ZNF273: variants seen among roughly 807,000 people sequenced by gnomAD.
ZNF273 encodes the protein zinc finger protein 273.
A neutral mutation model predicts 14.9 loss-of-function variants in ZNF273; 11 were observed. The ratio of observed to expected loss-of-function variants is 0.74; its 90% CI spans 0.46 to 1.22. The LOEUF is 1.22. ZNF273 is among the 50% of genes most tolerant of loss of function. The pLI, the probability that ZNF273 is intolerant of heterozygous loss-of-function variation, is 0.00. For synonymous variants in ZNF273, 199 were observed against 223.9 expected, an observed-to-expected ratio of 0.89 and a Z score of 0.99; for missense variants, 577 against 660.6, an observed-to-expected ratio of 0.87 and a Z score of 1.39.
chr7:64,931,905 A>T (rs1794998626), downstream of ZNF273, among the ~76,000 whole-genome samples: 1 of 152,170 alleles, frequency 6.6e-6, no homozygotes, highest in Non-Finnish European at 1.5e-5. Flanking sequence ...AATTCTGCCG[A>T]ATTTAAAGAG....
intron 1 of ZNF273, chr7:64,917,052 C>T (rs943187833): frequency 7.8e-7 from 1 of 1,283,484 alleles, no homozygotes; most frequent in Non-Finnish European, 1.0e-6. Flanking sequence ...GGGAAAATCA[C>T]AGGCTCTTCC....
Position 64,928,670 on chromosome 7 carries a change from CATAAG to C in ZNF273, c.1347_1351del (p.Lys449AsnfsTer11). 1 of 1,612,804 alleles carries C rather than the reference CATAAG, an allele frequency of 6.2e-7. No homozygotes were observed. Among genetic ancestry groups the C allele is most frequent in the African/African-American group, 1.3e-5 (1 of 74,998 alleles). On this transcript the variant is annotated frameshift_variant, in exon 4 of 4. Coordinates refer to ENST00000476120, the MANE Select transcript of ZNF273 (RefSeq NM_021148.3). LOFTEE classifies it low-confidence loss of function (END_TRUNC). ...TAGTGTATTCTCAACCCTTACTAAA[CATAAG>C]ATAATTCATACTGGAGCAAAACCTT...
chr7:64,887,736 G>A (rs1272694081), intron 1 of ZNF273, among the ~76,000 whole-genome samples: 1 of 151,872 alleles, frequency 6.6e-6, no homozygotes, highest in Non-Finnish European at 1.5e-5. Context: ...CTGACCTCAT[G>A]ATCTGCCCGC....
At chr7:64,897,625 C>G (rs1256230200) in exon 4 of ZNF273, 2 of 150,672 alleles carry the variant, frequency 1.3e-5, no homozygotes, top group Non-Finnish European at 2.9e-5. Flanking sequence ...CGTGCCCAGC[C>G]AAAAAGCTGA....
intron 1 of ZNF273, among the ~76,000 whole-genome samples, chr7:64,909,187 G>C (rs568913701): frequency 8.2e-4 from 124 of 151,658 alleles, no homozygotes; most frequent in African/African-American, 2.9e-3. Context: ...AATGTGCTGC[G>C]ATTACAGGCG....
At chr7:64,897,047 CA>C (rs1325800282) in intron 3 of ZNF273, among the ~76,000 whole-genome samples, 1 of 152,158 alleles carries the variant, frequency 6.6e-6, no homozygotes, top group African/African-American at 2.4e-5. Flanking sequence ...TAAGTCAGCA[CA>C]AAAACTATAG....
At chr7:64,934,156 T>A (rs11771842), downstream of ZNF273, among the ~76,000 whole-genome samples, 86,522 of 151,962 alleles carry the variant, frequency 0.57, 24,890 homozygotes, top group East Asian at 0.7. Flanking sequence ...TGGTCTCCCA[T>A]AGTGCTGGAA....
downstream of ZNF273, chr7:64,889,730 C>G (rs1388308466): frequency 7.1e-6 from 7 of 985,774 alleles, no homozygotes; most frequent in Admixed American, 1.8e-4. The surrounding 1 kb of genome is among the most constrained non-coding windows in gnomAD (Gnocchi z 4.2). Context: ...AGCTGGACAC[C>G]GAGCACCATC....
intron 1 of ZNF273, among the ~76,000 whole-genome samples, chr7:64,915,891 CTAAAAA>C (rs1349580350): frequency 6.6e-6 from 1 of 152,094 alleles, no homozygotes; most frequent in African/African-American, 2.4e-5. Context: ...CCAAAAAGTT[CTAAAAA>C]ATAATTACTC....
upstream of ZNF273, among the ~76,000 whole-genome samples, chr7:64,900,676 G>A (rs1275306394): frequency 2.0e-5 from 3 of 152,062 alleles, no homozygotes; most frequent in African/African-American, 4.8e-5. Flanking sequence ...GGGTGGGGGC[G>A]GCCAGATTTT....
In ZNF273 at chr7:64,927,903, A is replaced by G. The variant is rs1794841148; in HGVS notation, c.575A>G (p.Asn192Ser). ...GTTAAAGTCCTTCATAAATTCTCAA[A>G]TTCAAATATACATAAGAAAAGACAA... ...KYVKVLHKFS[N>S]SNIHKKRQTG... The change falls in exon 4 of 4, where the codon AAT becomes AGT. Residue 192 changes from asparagine to serine, a missense_variant. Physicochemically the swap from Asn to Ser is conservative, Grantham distance 46. Around this residue, in one of 3 missense-constraint regions of ZNF273, gnomAD observed 411 missense variants for 440.4 expected, o/e 0.93. Transcript: ENST00000476120. The G allele has an allele frequency of 6.2e-7, 1 of 1,613,536 alleles. No homozygotes were observed. Among genetic ancestry groups the G allele is most frequent in the Non-Finnish European group, 8.5e-7 (1 of 1,179,810 alleles).
chr7:64,922,958 T>A (rs1183553273), intron 3 of ZNF273, among the ~76,000 whole-genome samples: 2 of 151,918 alleles, frequency 1.3e-5, no homozygotes, highest in African/African-American at 4.8e-5. Flanking sequence ...AGAGCAAGAC[T>A]CTGTCTCAAA....
chr7:64,891,958 T>C (rs1215062742), downstream of ZNF273, among the ~76,000 whole-genome samples: 3 of 152,226 alleles, frequency 2.0e-5, no homozygotes, highest in Non-Finnish European at 4.4e-5. Flanking sequence ...GGAAGCTCCA[T>C]GTTGCACTTT....
chr7:64,885,877 T>G (rs4718157), intron 1 of ZNF273, among the ~76,000 whole-genome samples: 150,206 of 152,312 alleles, frequency 0.99, 74,101 homozygotes, highest in South Asian at 1. Flanking sequence ...ATCTTGATGC[T>G]CTTTTCTTCC....
chr7:64,885,479 C>G (rs1376472847), intron 1 of ZNF273, among the ~76,000 whole-genome samples: 2 of 152,228 alleles, frequency 1.3e-5, no homozygotes, highest in Non-Finnish European at 2.9e-5. Context: ...GTGGGAAAGT[C>G]CTCACGTTGG....
rs752202625 is a variant in ZNF273 at position 64,929,061 on chromosome 7, C to T, written c.*23C>T. On this transcript the variant is annotated 3_prime_UTR_variant, in exon 4 of 4. Coordinates refer to ENST00000476120, the MANE Select transcript of ZNF273 (RefSeq NM_021148.3). ...TAGAAATGTGAAGAATGTGACAAAG[C>T]CTTTAAGCGGTTGTCACACTTGATT... The T allele has an allele frequency of 4.1e-6, 6 of 1,467,702 alleles. No homozygotes were observed. In the African/African-American group the frequency reaches 4.9e-5, roughly 12 times the overall value. The allele number at this position is 1,467,702 out of a possible 1,614,324, so 90.9% of individuals were successfully genotyped here. A position where few individuals can be genotyped will look rare whatever the true frequency, so the allele number is the denominator to read the frequency against.
At chr7:64,880,830 C>G (rs1333746018), downstream of ZNF273, among the ~76,000 whole-genome samples, 1 of 152,102 alleles carries the variant, frequency 6.6e-6, no homozygotes, top group Non-Finnish European at 1.5e-5. Context: ...AGGGCCAGAC[C>G]CCAGCAGTCC....
chr7:64,910,901 G>T lies in ZNF273; in HGVS notation c.103-6680G>T, dbSNP rs142955509. 9.2e-3 allele frequency among the ~76,000 whole-genome samples: 1,393 copies of T among 151,924 alleles called. 16 individuals are homozygous for T. The highest frequency in any genetic ancestry group is 0.032 in the African/African-American group (1,323 of 41,422). ...CAGCCTCAGCCTCCTAAGTAGCTGG[G>T]ATTACAAGCATGCACCACCATGCCT... On this transcript the variant is annotated intron_variant, in intron 1 of 3. Coordinates refer to ENST00000476120, the MANE Select transcript of ZNF273 (RefSeq NM_021148.3).
chr7:64,918,188 A>G lies in ZNF273; in HGVS notation c.230-9A>G, dbSNP rs377097419. ...GCAAGATTCATGTTACTCATTTTTA[A>G]TAAAACAGGTATTGCTGTCTCTAAG... On this transcript the variant is annotated splice_polypyrimidine_tract_variant and intron_variant, in intron 2 of 3. Transcript: ENST00000476120. 3.7e-5 allele frequency: 58 copies of G among 1,553,724 alleles called. No individual in the cohort carries two copies. Among genetic ancestry groups the G allele is most frequent in the Non-Finnish European group, 4.9e-5 (56 of 1,144,258 alleles).
Sources: gnomAD v4.1 joint callset for allele counts (sites outside exome capture counted in the v4.1 genomes callset) on GRCh38, gnomAD v4.1.1 for gene constraint, gnomAD v4.1.1 regional missense constraint, Gnocchi (gnomAD v3.1) non-coding constraint, MANE v1.5 for transcripts, NCBI Gene and HGNC (gene_info 2026-07-23, HGNC 2026-07-21) for gene names.